The following ALDH9A1 variants were observed in gnomAD, a reference collection of about 807,000 sequenced individuals.
The protein encoded by ALDH9A1 is aldehyde dehydrogenase 9 family member A1.
ALDH9A1 carries 42 observed loss-of-function variants against 56.6 expected under a neutral mutation model. The observed-to-expected ratio is 0.74, with a 90% CI of 0.58 to 0.96. The LOEUF (loss-of-function observed/expected upper bound fraction) is 0.96, where lower values mean the gene tolerates loss of function less well. ALDH9A1 is among the 40% of genes least tolerant of loss of function. The pLI is 0.00. For missense variants in ALDH9A1, 661 were observed against 651.5 expected (o/e 1.01, Z -0.16); for synonymous variants, 242 against 236.0 (o/e 1.03, Z -0.23).
At chr1:165,698,147 C>G in intron 1 of ALDH9A1, 1 of 1,212,338 alleles carries the variant, frequency 8.2e-7, no homozygotes, top group South Asian at 2.3e-5. Flanking sequence ...AAACAACTCA[C>G]GATCCTACCA....
chr1:165,668,235 G>A (rs1165884700), intron 8 of ALDH9A1, among the ~76,000 whole-genome samples: 1 of 152,198 alleles, frequency 6.6e-6, no homozygotes, highest in African/African-American at 2.4e-5. Context: ...GTTGAAGTAT[G>A]ATCCCCATTG....
intron 2 of ALDH9A1, among the ~76,000 whole-genome samples, chr1:165,683,694 A>G (rs567335423): frequency 1.9e-4 from 29 of 152,340 alleles, no homozygotes; most frequent in African/African-American, 6.3e-4. Flanking sequence ...TTCTCTTCTA[A>G]TATTTTCTAA....
At chr1:165,696,001 GC>G (rs1384694219) in intron 1 of ALDH9A1, among the ~76,000 whole-genome samples, 2 of 152,034 alleles carry the variant, frequency 1.3e-5, no homozygotes, top group Non-Finnish European at 2.9e-5. Context: ...ACAGGCGCCT[GC>G]CACCACACAC....
chr1:165,678,122 T>A (rs1486882154), intron 6 of ALDH9A1, among the ~76,000 whole-genome samples: 1 of 151,904 alleles, frequency 6.6e-6, no homozygotes, highest in Non-Finnish European at 1.5e-5. Flanking sequence ...GATTGTGAAG[T>A]CAGGAGTTTG....
chr1:165,686,299 G>A (rs547100296), intron 2 of ALDH9A1, among the ~76,000 whole-genome samples: 2 of 152,234 alleles, frequency 1.3e-5, no homozygotes, highest in East Asian at 1.9e-4. Flanking sequence ...CAGGGAGGAG[G>A]AAGCTAGGTG....
chr1:165,675,829 T>G (rs1649339043), intron 6 of ALDH9A1, among the ~76,000 whole-genome samples: 1 of 152,198 alleles, frequency 6.6e-6, no homozygotes. Context: ...CTGACTATAC[T>G]CTCACGCTGA....
intron 6 of ALDH9A1, among the ~76,000 whole-genome samples, chr1:165,677,350 C>A (rs1051687182): frequency 2.0e-5 from 3 of 152,218 alleles, no homozygotes; most frequent in South Asian, 4.2e-4. Context: ...CAGAGCAGGA[C>A]CCTGTCTCAA....
chr1:165,692,003 C>T (rs901414408), intron 2 of ALDH9A1, among the ~76,000 whole-genome samples: 7 of 152,136 alleles, frequency 4.6e-5, no homozygotes, highest in African/African-American at 1.2e-4. Flanking sequence ...AAAAGGCCTT[C>T]GACAAATTTC....
chr1:165,694,088 A>G (rs1649986395), intron 2 of ALDH9A1, among the ~76,000 whole-genome samples: 1 of 151,910 alleles, frequency 6.6e-6, no homozygotes, highest in Admixed American at 6.6e-5. Context: ...GGGGAGGGAT[A>G]GCATTAGGAG....
At chr1:165,665,197 T>C (rs962718566) in intron 9 of ALDH9A1, 67 bp from the exon 10 acceptor site, 1 of 1,218,792 alleles carries the variant, frequency 8.2e-7, no homozygotes, top group African/African-American at 1.5e-5. Flanking sequence ...ACAGGAAAAG[T>C]TACACTGCCA....
rs1343526557 is a variant in ALDH9A1, at chr1:165,682,205, T to C, written c.494A>G (p.Tyr165Cys). Residue 165 changes from tyrosine to cysteine, a missense_variant, in exon 4 of 11, where the codon TAT (tyrosine) becomes TGT (cysteine). Transcript: ENST00000354775. ...HIQLPGGSFG[Y>C]TRREPLGVCV... ...TACCCCAAGTGGTTCTCTTCTGGTA[T>C]AACCAAACGATCCACCTGGGAGCTG... is the stretch of plus-strand genomic sequence containing the variant. 2.5e-6 allele frequency: 4 copies of C among 1,613,756 alleles called. No homozygotes were observed. The East Asian group carries it at 6.7e-5, about 27-fold the overall frequency.
At chr1:165,683,919 C>T (rs1196984617) in intron 2 of ALDH9A1, among the ~76,000 whole-genome samples, 1 of 151,968 alleles carries the variant, frequency 6.6e-6, no homozygotes, top group Non-Finnish European at 1.5e-5. Context: ...TATTATGGGT[C>T]CAATTTAAAA....
intron 2 of ALDH9A1, among the ~76,000 whole-genome samples, chr1:165,684,540 A>G (rs1252818073): frequency 6.6e-6 from 1 of 152,176 alleles, no homozygotes; most frequent in Non-Finnish European, 1.5e-5. Flanking sequence ...ATTATTCCCC[A>G]TTCTTAAGTT....
intron 2 of ALDH9A1, among the ~76,000 whole-genome samples, chr1:165,689,941 A>T (rs1384637316): frequency 1.3e-5 from 1 of 74,454 alleles, no homozygotes; most frequent in Non-Finnish European, 2.7e-5. Context: ...CACAAAAAAA[A>T]AATAATAATA....
In ALDH9A1 at chr1:165,667,396, A is replaced by G. The variant is rs778027257; in HGVS notation, c.1262T>C (p.Met421Thr). 3.7e-6 allele frequency: 6 copies of G among 1,614,052 alleles called. No homozygotes were observed. The highest frequency in any genetic ancestry group is 2.7e-5 in the African/African-American group (2 of 74,932). Residue 421 changes from methionine to threonine, a missense_variant, in exon 9 of 11, where the codon ATG (methionine) becomes ACG (threonine). Physicochemically the swap from Met to Thr is moderately conservative, Grantham distance 81. Coordinates refer to ENST00000354775, the MANE Select transcript of ALDH9A1 (RefSeq NM_000696.4). Reference protein sequence around the residue: ...CVKEEIFGPVMSILSFDTEAE... With the variant: ...CVKEEIFGPVTSILSFDTEAE... Reference sequence around the variant, plus strand: ...TTCAGTGTCAAATGATAAAATGGACATAACAGGCCCAAAGATCTCTTCCTT... The same window carrying G: ...TTCAGTGTCAAATGATAAAATGGACGTAACAGGCCCAAAGATCTCTTCCTT...
chr1:165,684,558 T>C (rs1175581664), intron 2 of ALDH9A1, among the ~76,000 whole-genome samples: 1 of 152,196 alleles, frequency 6.6e-6, no homozygotes, highest in Non-Finnish European at 1.5e-5. Context: ...GTTTGTTGAG[T>C]ATAATTAACA....
chr1:165,682,973 G>A lies in ALDH9A1; in HGVS notation c.457+8C>T, dbSNP rs1262667994. 6.2e-7 allele frequency: 1 copy of A among 1,613,322 alleles called. No individual in the cohort carries two copies. The highest frequency in any genetic ancestry group is 1.7e-5 in the Admixed American group (1 of 59,984). ...TCAGCTGGTCACAGACACCAGGTGA[G>A]GACTTACCAGCCATGGATGCAGCCA... On this transcript the variant is annotated splice_region_variant and intron_variant, in intron 3 of 10. Transcript: ENST00000354775.
At chr1:165,668,725 A>G (rs1223836007) in intron 8 of ALDH9A1, 4 of 443,754 alleles carry the variant, frequency 9.0e-6, no homozygotes, top group Non-Finnish European at 1.2e-5. Context: ...TGGATAAACT[A>G]ATACATATGG....
chr1:165,695,232 G>C lies in ALDH9A1; in HGVS notation c.327+20C>G. The stretch of plus-strand genomic sequence containing the variant: ...TCAGAGCAATGTCTGAGTTCTGGAA[G>C]GAAATAAATTGGAACATACCCTTAT... On this transcript the variant is annotated intron_variant, in intron 2 of 10. Transcript: ENST00000354775. 6.3e-7 allele frequency: 1 copy of C among 1,579,274 alleles called. No homozygotes were observed.
Sources: allele counts gnomAD v4.1 joint callset (sites outside exome capture counted in the v4.1 genomes callset), GRCh38; gene constraint gnomAD v4.1.1; transcripts MANE v1.5; gene names NCBI Gene and HGNC (gene_info 2026-07-23, HGNC 2026-07-21).